The following PIK3C3 variants were observed in gnomAD, a reference collection of about 807,000 sequenced individuals.
PIK3C3 encodes PI3-kinase type 3.
PIK3C3 carries 95 observed loss-of-function variants against 126.1 expected under a neutral mutation model. That is an observed-to-expected ratio of 0.75 (90% confidence interval 0.64 to 0.89). The LOEUF is 0.89. Among genes scored for constraint, PIK3C3 ranks in the 40% least tolerant of loss-of-function variants. The pLI is 0.00. For missense variants in PIK3C3, 829 were observed against 1,063.2 expected, an observed-to-expected ratio of 0.78 and a Z score of 3.06; for synonymous variants, 374 against 360.0, an observed-to-expected ratio of 1.04 and a Z score of -0.44.
chr18:42,007,438 A>C (rs996131257), intron 10 of PIK3C3, among the ~76,000 whole-genome samples: 6 of 152,088 alleles, frequency 3.9e-5, no homozygotes, highest in Non-Finnish European at 8.8e-5. Flanking sequence ...CTGCACCAGA[A>C]TCTTAAGTGG....
intron 12 of PIK3C3, among the ~76,000 whole-genome samples, chr18:42,019,287 A>G (rs1440344685): frequency 1.3e-5 from 2 of 152,158 alleles, no homozygotes; most frequent in Admixed American, 1.3e-4. Context: ...CCTTGAAACC[A>G]CATCTCTTGA....
chr18:41,973,836 G>GA (rs1400629931), intron 4 of PIK3C3, among the ~76,000 whole-genome samples: 2 of 151,864 alleles, frequency 1.3e-5, no homozygotes, highest in African/African-American at 2.4e-5. Context: ...ACCATTTTAA[G>GA]AAAAAAAATT....
chr18:42,076,211 CATATATATATGCAT>C (rs1986026952), intron 24 of PIK3C3, among the ~76,000 whole-genome samples: 1 of 135,120 alleles, frequency 7.4e-6, no homozygotes, highest in Non-Finnish European at 1.6e-5. Flanking sequence ...TATATATGCA[CATATATATATGCAT>C]ATATATATTA....
chr18:42,063,046 T>C (rs1479797559), intron 22 of PIK3C3, among the ~76,000 whole-genome samples: 2 of 152,320 alleles, frequency 1.3e-5, no homozygotes, highest in East Asian at 3.9e-4. Context: ...CCCTTCAAGA[T>C]GGCCAGTGTG....
intron 21 of PIK3C3, among the ~76,000 whole-genome samples, chr18:42,057,083 A>G (rs1164609886): frequency 8.4e-6 from 1 of 119,506 alleles, no homozygotes; most frequent in Non-Finnish European, 1.7e-5. Context: ...TTGACATTTT[A>G]TGATCTTAAA....
chr18:41,990,688 A>G, intron 6 of PIK3C3, 134 bp downstream of exon 6: 3 of 589,020 alleles, frequency 5.1e-6, no homozygotes, highest in Non-Finnish European at 6.1e-6. Context: ...GCAGCTGTTT[A>G]TGTATACAGA....
At chr18:42,043,208 C>T (rs1283500888) in intron 19 of PIK3C3, among the ~76,000 whole-genome samples, 2 of 151,654 alleles carry the variant, frequency 1.3e-5, no homozygotes, top group Admixed American at 6.6e-5. Context: ...AAGCAATTCT[C>T]CTGCCTCAGC....
chr18:42,062,423 T>G (rs977494798), intron 22 of PIK3C3, among the ~76,000 whole-genome samples: 9 of 151,776 alleles, frequency 5.9e-5, no homozygotes, highest in African/African-American at 2.2e-4. Context: ...ATAAACTTTC[T>G]TAAAACATTA....
Position 42,085,812 on chromosome 18 carries a change from T to G in PIK3C3, c.*4675T>G, listed in dbSNP as rs1986385966. 3 of 152,158 alleles carry G rather than the reference T, an allele frequency of 2.0e-5. No homozygotes were observed. The South Asian group carries it at 6.2e-4, about 32-fold the overall frequency. 9.4% of individuals were successfully genotyped at this position (152,158 alleles called of 1,614,324 possible). ...TGAACCATAGAATTTAACTAGAATTTGGCTGGCTCATGCCTGTAATGCCAG... is the reference window on the plus strand; with the variant it reads ...TGAACCATAGAATTTAACTAGAATTGGGCTGGCTCATGCCTGTAATGCCAG... On this transcript the variant is annotated 3_prime_UTR_variant, in exon 25 of 25. Transcript: ENST00000262039.
chr18:42,020,937 A>G (rs1567986728), intron 13 of PIK3C3, among the ~76,000 whole-genome samples: 1 of 152,198 alleles, frequency 6.6e-6, no homozygotes, highest in African/African-American at 2.4e-5. Flanking sequence ...CTAGGATATA[A>G]CTGGGGAGGG....
At chr18:42,069,922 G>A (rs1265809276) in intron 24 of PIK3C3, among the ~76,000 whole-genome samples, 4 of 152,158 alleles carry the variant, frequency 2.6e-5, no homozygotes, top group Non-Finnish European at 1.5e-5. Flanking sequence ...TACTTAGGAT[G>A]CTTCAGTCAG....
At chr18:42,061,369 G>A (rs563759004) in intron 22 of PIK3C3, among the ~76,000 whole-genome samples, 1 of 152,218 alleles carries the variant, frequency 6.6e-6, no homozygotes, top group East Asian at 1.9e-4. Flanking sequence ...GATAACTTGA[G>A]GTCAGGAGTT....
intron 12 of PIK3C3, among the ~76,000 whole-genome samples, chr18:42,018,350 A>G (rs541115942): frequency 1.3e-5 from 2 of 152,210 alleles, no homozygotes; most frequent in South Asian, 4.1e-4. Context: ...TTTATCAAAA[A>G]GGCATAGTAT....
chr18:42,051,929 C>CCT, intron 21 of PIK3C3, among the ~76,000 whole-genome samples: 1 of 151,706 alleles, frequency 6.6e-6, no homozygotes, highest in African/African-American at 2.4e-5. Flanking sequence ...ACATATGTAA[C>CCT]AAACCTGCAC....
intron 13 of PIK3C3, among the ~76,000 whole-genome samples, chr18:42,022,517 A>G (rs117297275): frequency 5.5e-4 from 84 of 152,298 alleles, no homozygotes; most frequent in Non-Finnish European, 9.1e-4. Flanking sequence ...TGATTTACAT[A>G]AACAATAAAT....
intron 19 of PIK3C3, among the ~76,000 whole-genome samples, chr18:42,041,947 C>G (rs117030334): frequency 2.4e-3 from 360 of 152,294 alleles, no homozygotes; most frequent in Admixed American, 5.7e-3. Context: ...AACATAGTAG[C>G]CCTAAGGTTG....
chr18:41,963,472 C>T (rs774840272), intron 3 of PIK3C3, among the ~76,000 whole-genome samples: 4 of 152,028 alleles, frequency 2.6e-5, no homozygotes, highest in Non-Finnish European at 2.9e-5. Context: ...AAGTAGACCC[C>T]GTGTCCTTTT....
chr18:42,073,499 C>G (rs571869040), intron 24 of PIK3C3, among the ~76,000 whole-genome samples: 1 of 152,272 alleles, frequency 6.6e-6, no homozygotes, highest in South Asian at 2.1e-4. Context: ...TCAAGTGCCT[C>G]TCATGCATAA....
chr18:41,977,783 G>T (rs1981003063), intron 4 of PIK3C3, among the ~76,000 whole-genome samples: 1 of 152,078 alleles, frequency 6.6e-6, no homozygotes, highest in African/African-American at 2.4e-5. Context: ...CCATGCCTGG[G>T]CCAGAAATGG....
Sources: allele counts gnomAD v4.1 joint callset (sites outside exome capture counted in the v4.1 genomes callset), GRCh38; gene constraint gnomAD v4.1.1; transcripts MANE v1.5; gene names NCBI Gene and HGNC (gene_info 2026-07-23, HGNC 2026-07-21).